ESAM: variants seen among roughly 807,000 people sequenced by gnomAD.
The protein encoded by ESAM is endothelial cell adhesion molecule.
ESAM carries 23 observed loss-of-function variants against 31.8 expected under a neutral mutation model. The observed-to-expected ratio is 0.72, with a 90% confidence interval of 0.52 to 1.03. The LOEUF is 1.03. Among genes scored for constraint, ESAM ranks in the 50% least tolerant of loss-of-function variants. The pLI is 0.00. For synonymous variants in ESAM, 216 were observed against 207.2 expected (o/e 1.04, Z -0.37); for missense variants, 478 against 488.9 (o/e 0.98, Z 0.21).
At position 124,759,640 on chromosome 11, in the gene ESAM, T is replaced by C. The variant is rs1045162119; in HGVS notation, c.71-1113A>G. Among the ~76,000 whole-genome samples, 1 of 152,222 alleles carries C rather than the reference T, an allele frequency of 6.6e-6. No homozygotes were observed. The highest frequency in any genetic ancestry group is 1.5e-5 in the Non-Finnish European group (1 of 68,040). ...AGCCAGGCTGAAGGCCTCTAAGGGC[T>C]GGGAGCCGATCCGGCCAGGATGCAA... On this transcript the variant is annotated intron_variant, in intron 1 of 6. Coordinates refer to ENST00000278927, the MANE Select transcript of ESAM (RefSeq NM_138961.3). This position sits in a 1 kb window ranked among gnomAD's most constrained non-coding sequence, Gnocchi z 6.8.
At position 124,754,842 on chromosome 11, in the gene ESAM, A is replaced by C; in HGVS notation, c.608-79T>G. 6.6e-7 allele frequency: 1 copy of C among 1,511,894 alleles called. No homozygotes were observed. Among genetic ancestry groups the C allele is most frequent in the Non-Finnish European group, 8.8e-7 (1 of 1,130,700 alleles). The allele number at this position is 1,511,894 out of a possible 1,614,324, so 93.7% of individuals were successfully genotyped here. A position where few individuals can be genotyped will look rare whatever the true frequency, so the allele number is the denominator to read the frequency against. ...AAAAAAAATCTTGTCCCTCCTCTGGAATGTCCCCTTTGACCCTCTGGGAGT... is the reference window on the plus strand; with the variant it reads ...AAAAAAAATCTTGTCCCTCCTCTGGCATGTCCCCTTTGACCCTCTGGGAGT... On this transcript the variant is annotated intron_variant, in intron 4 of 6. Transcript: ENST00000278927. This position sits in a 1 kb window ranked among gnomAD's most constrained non-coding sequence, Gnocchi z 4.5.
At chr11:124,760,684 G>C (rs914280046) in intron 1 of ESAM, among the ~76,000 whole-genome samples, 2 of 152,248 alleles carry the variant, frequency 1.3e-5, no homozygotes, top group Admixed American at 1.3e-4. Context: ...CAGGTCTTCA[G>C]TCTGACAAAC....
Position 124,762,031 on chromosome 11 carries a change from C to G in ESAM, c.70+54G>C, listed in dbSNP as rs972685710. 4 of 1,513,964 alleles carry G rather than the reference C, an allele frequency of 2.6e-6. No individual in the cohort carries two copies. In the Admixed American group the frequency reaches 5.4e-5, roughly 20 times the overall value. 93.8% of individuals were successfully genotyped at this position (1,513,964 alleles called of 1,614,324 possible). On this transcript the variant is annotated intron_variant, in intron 1 of 6. Coordinates refer to ENST00000278927, the MANE Select transcript of ESAM (RefSeq NM_138961.3). The surrounding 1 kb of genome is among the most constrained non-coding windows in gnomAD (Gnocchi z 6.4). ...AGTGGCCAAAGTTCTCCCTCAGGGT[C>G]GAACTCACCCCATCCCGCATCCCAA...
chr11:124,754,589 C>A lies in ESAM; in HGVS notation c.730+52G>T. The A allele has an allele frequency of 6.3e-7, 1 of 1,577,170 alleles. No individual in the cohort carries two copies. Among genetic ancestry groups the A allele is most frequent in the Non-Finnish European group, 8.6e-7 (1 of 1,159,410 alleles). On this transcript the variant is annotated intron_variant, in intron 5 of 6. Coordinates refer to ENST00000278927, the MANE Select transcript of ESAM (RefSeq NM_138961.3). The surrounding 1 kb of genome is among the most constrained non-coding windows in gnomAD (Gnocchi z 4.5). ...AGACAGGCCTCCTCCCCACTTGCAACCCCTCCCCCACCATTGACCACTCTT... is the reference window on the plus strand; with the variant it reads ...AGACAGGCCTCCTCCCCACTTGCAAACCCTCCCCCACCATTGACCACTCTT...
intron 1 of ESAM, 44 bp from the exon 2 acceptor site, chr11:124,758,571 G>A: frequency 6.9e-7 from 1 of 1,458,256 alleles, no homozygotes; most frequent in South Asian, 1.4e-5. Flanking sequence ...CCGGCTCCCA[G>A]CTCCGCCCGC....
intron 2 of ESAM, chr11:124,757,552 G>A (rs1591429538): frequency 6.6e-6 from 1 of 152,304 alleles, no homozygotes; most frequent in South Asian, 2.1e-4. Context: ...ATGGGTGGGA[G>A]ATTGTGGGAG....
chr11:124,753,999 T>G, intron 6 of ESAM, 38 bp from the exon 7 acceptor site: 1 of 1,605,498 alleles, frequency 6.2e-7, no homozygotes, highest in African/African-American at 1.3e-5. Flanking sequence ...CAGAAGTGGG[T>G]GGGGGAAGGA....
Position 124,753,713 on chromosome 11 carries a change from C to T in ESAM, c.1106G>A (p.Gly369Asp). The stretch of plus-strand genomic sequence containing the variant: ...AGGCACAGCACCCATGCGGCTCAAG[C>T]CAGAGGAAGAAACCCCACCAGGGAT... ...SPIPGGVSSSGLSRMGAVPVM... is the reference protein window; with the variant it reads ...SPIPGGVSSSDLSRMGAVPVM... The change falls in exon 7 of 7, where the codon GGC becomes GAC. Residue 369 changes from glycine (G) to aspartate (D), a missense_variant. Coordinates refer to ENST00000278927, the MANE Select transcript of ESAM (RefSeq NM_138961.3). The T allele has an allele frequency of 1.9e-6, 3 of 1,614,068 alleles. No homozygotes were observed. The highest frequency in any genetic ancestry group is 2.5e-6 in the Non-Finnish European group (3 of 1,180,036).
chr11:124,756,157 C>G (rs200585785), intron 4 of ESAM, 50 bp downstream of exon 4: 2 of 1,610,678 alleles, frequency 1.2e-6, no homozygotes, highest in African/African-American at 2.7e-5. Flanking sequence ...TACCTCTCAT[C>G]TTTCCCCTTC....
chr11:124,758,536 A>T lies in ESAM; in HGVS notation c.71-9T>A. On this transcript the variant is annotated splice_polypyrimidine_tract_variant and intron_variant, in intron 1 of 6. Coordinates refer to ENST00000278927, the MANE Select transcript of ESAM (RefSeq NM_138961.3). ...GGCCCGCGAGGGGGGCGCTGGAGAC[A>T]AGAGCGAGGCGTGAGTGCCCAGGAC... The T allele has an allele frequency of 6.5e-7, 1 of 1,530,378 alleles. No individual in the cohort carries two copies. Among genetic ancestry groups the T allele is most frequent in the African/African-American group, 1.4e-5 (1 of 72,920 alleles). The allele number at this position is 1,530,378 out of a possible 1,614,324, so 94.8% of individuals were successfully genotyped here. A position where few individuals can be genotyped will look rare whatever the true frequency, so the allele number is the denominator to read the frequency against.
Position 124,753,651 on chromosome 11 carries a change from C to T in ESAM, c.1168G>A (p.Val390Ile). 4 of 1,613,546 alleles carry T rather than the reference C, an allele frequency of 2.5e-6. No individual in the cohort carries two copies. Among genetic ancestry groups the T allele is most frequent in the Non-Finnish European group, 2.5e-6 (3 of 1,180,032 alleles). ...VPAQSQAGSLV is the reference protein window; with the variant it reads ...VPAQSQAGSLI ...GCCAATGAGTGGTGGGGTCATCATA[C>T]CAGAGAGCCAGCTTGACTCTGGGCA... Residue 390 changes from valine to isoleucine, a missense_variant, in exon 7 of 7, where the codon GTA (valine) becomes ATA (isoleucine). Transcript: ENST00000278927.
chr11:124,760,288 A>T (rs1944212074), intron 1 of ESAM, among the ~76,000 whole-genome samples: 1 of 152,164 alleles, frequency 6.6e-6, no homozygotes, highest in South Asian at 2.1e-4. Flanking sequence ...CCACGGAGCC[A>T]CTGGGAGAGA....
In ESAM at chr11:124,754,792, G is replaced by T. The variant is rs1944136203; in HGVS notation, c.608-29C>A. 6.4e-7 allele frequency: 1 copy of T among 1,570,376 alleles called. No homozygotes were observed. The highest frequency in any genetic ancestry group is 2.0e-5 in the Admixed American group (1 of 48,952). On this transcript the variant is annotated intron_variant, in intron 4 of 6. Coordinates refer to ENST00000278927, the MANE Select transcript of ESAM (RefSeq NM_138961.3). This position sits in a 1 kb window ranked among gnomAD's most constrained non-coding sequence, Gnocchi z 4.5. ...TGGACACAATTTAGCCATCAGTCCAGGGACCCTCTTTCCCATTAAAAAAAA... is the reference window on the plus strand; with the variant it reads ...TGGACACAATTTAGCCATCAGTCCATGGACCCTCTTTCCCATTAAAAAAAA...
At chr11:124,760,502 A>G (rs542956846) in intron 1 of ESAM, among the ~76,000 whole-genome samples, 2 of 152,336 alleles carry the variant, frequency 1.3e-5, no homozygotes, top group African/African-American at 4.8e-5. Flanking sequence ...CCCCAGGGGC[A>G]GCAGCACTGA....
At chr11:124,757,693 CTTTTTT>C (rs5795429) in intron 2 of ESAM, among the ~76,000 whole-genome samples, 1 of 125,008 alleles carries the variant, frequency 8.0e-6, no homozygotes, top group Non-Finnish European at 1.7e-5. Context: ...AATATGCTAA[CTTTTTT>C]TTTTTTTTTT....
At chr11:124,758,269 C>G (rs1944180005) in intron 2 of ESAM, 80 bp downstream of exon 2, 2 of 1,558,348 alleles carry the variant, frequency 1.3e-6, no homozygotes, top group Admixed American at 1.7e-5. Context: ...CCTCTCCACC[C>G]CTCCCACCGC....
chr11:124,761,871 C>A (rs557440277), intron 1 of ESAM, among the ~76,000 whole-genome samples: 1 of 152,228 alleles, frequency 6.6e-6, no homozygotes, highest in East Asian at 1.9e-4. Context: ...CCTTACCTCC[C>A]CCCGCCATCC....
Position 124,754,716 on chromosome 11 carries a change from C to G in ESAM, c.655G>C (p.Ala219Pro). Residue 219 changes from alanine to proline, a missense_variant, in exon 5 of 7, where the codon GCT (alanine) becomes CCT (proline). Coordinates refer to ENST00000278927, the MANE Select transcript of ESAM (RefSeq NM_138961.3). The surrounding 1 kb of genome is among the most constrained non-coding windows in gnomAD (Gnocchi z 4.5). ...LSLTNLSSSMAGVYVCKAHNE... is the reference protein window; with the variant it reads ...LSLTNLSSSMPGVYVCKAHNE... ...TGGGCCTTGCAGACATAGACTCCAG[C>G]CATGGAAGACGAAAGGTTGGTGAGG... 1 of 1,614,110 alleles carries G rather than the reference C, an allele frequency of 6.2e-7. No homozygotes were observed. The highest frequency in any genetic ancestry group is 8.5e-7 in the Non-Finnish European group (1 of 1,180,010).
Position 124,762,254 on chromosome 11 carries a change from G to A in ESAM, c.-100C>T, listed in dbSNP as rs550918416. On this transcript the variant is annotated 5_prime_UTR_variant, in exon 1 of 7. Transcript: ENST00000278927. This position sits in a 1 kb window ranked among gnomAD's most constrained non-coding sequence, Gnocchi z 6.4. ...GACGGCCGGAGCGTGCGCGGGAGCC[G>A]AGCCGCTGACACCCAGGGCGGCTCC... The A allele has an allele frequency of 4.2e-6, 4 of 961,996 alleles. No homozygotes were observed. Among genetic ancestry groups the A allele is most frequent in the Admixed American group, 3.3e-5 (1 of 30,034 alleles). The allele number at this position is 961,996 out of a possible 1,614,324, so 59.6% of individuals were successfully genotyped here. A position where few individuals can be genotyped will look rare whatever the true frequency, so the allele number is the denominator to read the frequency against.
Sources: gnomAD v4.1 joint callset for allele counts (sites outside exome capture counted in the v4.1 genomes callset) on GRCh38, gnomAD v4.1.1 for gene constraint, Gnocchi (gnomAD v3.1) non-coding constraint, MANE v1.5 for transcripts, NCBI Gene and HGNC (gene_info 2026-07-23, HGNC 2026-07-21) for gene names.